PAX2: variants seen among roughly 807,000 people sequenced by gnomAD.
PAX2 encodes paired box 2.
Under a neutral mutation model 41.7 loss-of-function variants are expected in PAX2, and 9 were observed. The ratio of observed to expected loss-of-function variants is 0.22; its 90% CI spans 0.13 to 0.38. PAX2 has a LOEUF of 0.38. Among genes scored for constraint, PAX2 ranks in the 10% least tolerant of loss-of-function variants. PAX2 has a pLI of 1.00. For synonymous variants in PAX2, 221 were observed against 212.7 expected, an observed-to-expected ratio of 1.04 and a Z score of -0.34; for missense variants, 418 against 531.6, an observed-to-expected ratio of 0.79 and a Z score of 2.10.
chr10:100,796,219 C>T (rs1440511010), intron 5 of PAX2, among the ~76,000 whole-genome samples: 2 of 152,158 alleles, frequency 1.3e-5, no homozygotes, highest in Admixed American at 1.3e-4. Flanking sequence ...CAGGAGATAA[C>T]CACTGTTGAA....
chr10:100,739,296 G>T (rs1193083241), intron 1 of PAX2, among the ~76,000 whole-genome samples: 1 of 152,134 alleles, frequency 6.6e-6, no homozygotes, highest in African/African-American at 2.4e-5. Context: ...CAGCCACCTC[G>T]CAGCCTGTCC....
intron 5 of PAX2, among the ~76,000 whole-genome samples, chr10:100,785,275 T>C (rs1846800501): frequency 6.6e-6 from 1 of 152,224 alleles, no homozygotes; most frequent in African/African-American, 2.4e-5. Context: ...AAAACATTGC[T>C]GTTCATCGGT....
chr10:100,781,525 A>G (rs1182938447), intron 5 of PAX2, among the ~76,000 whole-genome samples, 160 bp downstream of exon 5: 1 of 152,170 alleles, frequency 6.6e-6, no homozygotes, highest in Non-Finnish European at 1.5e-5. Context: ...GGAGAGAGGG[A>G]GGGTGGCTGC....
intron 5 of PAX2, among the ~76,000 whole-genome samples, chr10:100,789,647 A>T (rs1847019639): frequency 6.6e-6 from 1 of 152,226 alleles, no homozygotes; most frequent in South Asian, 2.1e-4. Context: ...GCTAAGGTCC[A>T]CTTAGTCCAA....
chr10:100,803,923 G>C (rs1032663988), intron 5 of PAX2, among the ~76,000 whole-genome samples: 2 of 152,170 alleles, frequency 1.3e-5, no homozygotes, highest in African/African-American at 4.8e-5. Flanking sequence ...TCAGTGAGTG[G>C]AGGGAGCAGC....
chr10:100,759,005 C>T (rs911613871), intron 3 of PAX2, among the ~76,000 whole-genome samples: 9 of 151,964 alleles, frequency 5.9e-5, no homozygotes, highest in Non-Finnish European at 1.2e-4. Flanking sequence ...AGGCAGGAAG[C>T]GATGAAGCTG....
intron 5 of PAX2, among the ~76,000 whole-genome samples, chr10:100,801,625 C>G (rs554141877): frequency 2.6e-4 from 40 of 152,298 alleles, no homozygotes; most frequent in Non-Finnish European, 1.3e-4. Context: ...AAATTTGGAC[C>G]AGACATCCTC....
chr10:100,751,123 C>T (rs907450404), intron 3 of PAX2, among the ~76,000 whole-genome samples: 4 of 152,316 alleles, frequency 2.6e-5, no homozygotes, highest in South Asian at 4.1e-4. Flanking sequence ...CTCCCGCCGG[C>T]GTCCTGGAAA....
At chr10:100,773,971 G>A (rs150900019) in intron 3 of PAX2, among the ~76,000 whole-genome samples, 1 of 152,218 alleles carries the variant, frequency 6.6e-6, no homozygotes, top group Non-Finnish European at 1.5e-5. Flanking sequence ...AGCCACGGTG[G>A]GACTTCAGGG....
intron 1 of PAX2, 115 bp from the exon 2 acceptor site, chr10:100,749,631 G>A (rs1048906105): frequency 8.0e-6 from 12 of 1,493,992 alleles, no homozygotes; most frequent in Non-Finnish European, 8.0e-6. Flanking sequence ...TCAAGCTCGG[G>A]AACATGCCCT....
At chr10:100,735,675 A>C (rs1564698979) in exon 1 of PAX2, 2 of 1,058,450 alleles carry the variant, frequency 1.9e-6, no homozygotes, top group African/African-American at 3.3e-5. Flanking sequence ...AGCCAGACCC[A>C]GCCCCAGGAC....
chr10:100,758,988 G>A lies in PAX2; in HGVS notation c.410+8097G>A, dbSNP rs191996779. On this transcript the variant is annotated intron_variant, in intron 3 of 9. Coordinates refer to ENST00000355243, the MANE Select transcript of PAX2 (RefSeq NM_000278.5). The stretch of plus-strand genomic sequence containing the variant: ...GGCAGAAAGTGAGGATGAGGACTGG[G>A]AGAGTGAGGCAGGAAGCGATGAAGC... 7.2e-5 allele frequency among the ~76,000 whole-genome samples: 11 copies of A among 152,348 alleles called. No homozygotes were observed. In the East Asian group the frequency reaches 1.9e-3, roughly 27 times the overall value.
chr10:100,814,051 T>TA (rs2133965421), intron 7 of PAX2, among the ~76,000 whole-genome samples: 1 of 152,134 alleles, frequency 6.6e-6, no homozygotes, highest in East Asian at 1.9e-4. Context: ...TTTAATATTC[T>TA]AAAAAAGATC....
rs552019372 is a variant in PAX2, at chr10:100,819,244, T to C, written c.920-5404T>C. On this transcript the variant is annotated intron_variant, in intron 7 of 9. Transcript: ENST00000355243. ...GCCTGGGAGACAGAGCAAGACTCTG[T>C]CTCAAAAAAAAAAAAGGGGGGGGAG... is the stretch of plus-strand genomic sequence containing the variant. Among the ~76,000 whole-genome samples the C allele has an allele frequency of 1.4e-3, 196 of 137,428 alleles. 1 individual carries two copies. The highest frequency in any genetic ancestry group is 5.1e-3 in the African/African-American group (186 of 36,214). 90.2% of individuals were successfully genotyped at this position (137,428 alleles called of 152,430 possible).
chr10:100,790,170 A>G (rs111699264), intron 5 of PAX2, among the ~76,000 whole-genome samples: 19 of 152,234 alleles, frequency 1.2e-4, no homozygotes, highest in African/African-American at 4.6e-4. Flanking sequence ...AAGAGTATAT[A>G]TTTTTTCATA....
chr10:100,817,651 C>A (rs1848235555), intron 7 of PAX2, among the ~76,000 whole-genome samples: 1 of 152,168 alleles, frequency 6.6e-6, no homozygotes, highest in African/African-American at 2.4e-5. Flanking sequence ...GAAGAGCAGC[C>A]ACCCTGAGTT....
chr10:100,770,269 T>G (rs1846166717), intron 3 of PAX2, among the ~76,000 whole-genome samples: 1 of 152,024 alleles, frequency 6.6e-6, no homozygotes, highest in Non-Finnish European at 1.5e-5. Context: ...CAGCAATGAA[T>G]CTATAGCAGT....
chr10:100,749,677 G>T (rs1162762163), intron 1 of PAX2, 69 bp from the exon 2 acceptor site: 1 of 1,558,664 alleles, frequency 6.4e-7, no homozygotes, highest in Non-Finnish European at 8.7e-7. Flanking sequence ...GTCCCGGGCC[G>T]CGGACCCTGA....
intron 3 of PAX2, among the ~76,000 whole-genome samples, chr10:100,770,625 T>C (rs1846177517): frequency 6.6e-6 from 1 of 152,228 alleles, no homozygotes; most frequent in African/African-American, 2.4e-5. Flanking sequence ...TGGCCTGGGC[T>C]CTCAGGGGCA....
Sources: allele counts gnomAD v4.1 joint callset (sites outside exome capture counted in the v4.1 genomes callset), GRCh38; gene constraint gnomAD v4.1.1; transcripts MANE v1.5; gene names NCBI Gene and HGNC (gene_info 2026-07-23, HGNC 2026-07-21).